Variants in INPP4B observed in about 807,000 individuals in gnomAD.
INPP4B encodes the protein inositol polyphosphate-4-phosphatase type II B.
In INPP4B, 55 loss-of-function variants were observed where a neutral mutation model predicts 122.5. The ratio of observed to expected loss-of-function variants is 0.45; its 90% CI spans 0.36 to 0.56. The LOEUF is 0.56. INPP4B is among the 20% of genes least tolerant of loss of function. The pLI is 0.00. For synonymous variants in INPP4B, 403 were observed against 388.7 expected (o/e 1.04, Z -0.43); for missense variants, 1,000 against 1,097.7 (o/e 0.91, Z 1.26).
At chr4:142,215,250 G>A (rs188961583) in intron 12 of INPP4B, among the ~76,000 whole-genome samples, 1 of 152,222 alleles carries the variant, frequency 6.6e-6, no homozygotes, top group Non-Finnish European at 1.5e-5. Context: ...CAAACCCACT[G>A]TTCCCTTACC....
chr4:142,488,311 A>C (rs1821440149), intron 2 of INPP4B, among the ~76,000 whole-genome samples: 1 of 152,030 alleles, frequency 6.6e-6, no homozygotes, highest in Non-Finnish European at 1.5e-5. Flanking sequence ...ATATTTTGTT[A>C]AGAGCTTTTT....
chr4:142,067,716 G>A (rs1223966310), intron 25 of INPP4B, among the ~76,000 whole-genome samples: 1 of 152,142 alleles, frequency 6.6e-6, no homozygotes, highest in Non-Finnish European at 1.5e-5. Flanking sequence ...TGATCAAGTG[G>A]AAGAAAGGGT....
At chr4:142,462,813 AT>A (rs1816983478) in intron 2 of INPP4B, 87 bp from the exon 3 acceptor site, 1 of 152,222 alleles carries the variant, frequency 6.6e-6, no homozygotes, top group South Asian at 2.1e-4. Context: ...AGTGTTTAAT[AT>A]GCTTATAATG....
chr4:142,212,512 A>C lies in INPP4B; in HGVS notation c.837-3486T>G, dbSNP rs565162236. ...CCCATCAGGGCGTGGAGTACTTCTAAGTTTCAGACGTATTTTTCCTTGCTC... is the reference window on the plus strand; with the variant it reads ...CCCATCAGGGCGTGGAGTACTTCTACGTTTCAGACGTATTTTTCCTTGCTC... On this transcript the variant is annotated intron_variant, in intron 12 of 25. Coordinates refer to ENST00000262992, the MANE Select transcript of INPP4B (RefSeq NM_001101669.3). 2.6e-5 allele frequency among the ~76,000 whole-genome samples: 4 copies of C among 152,188 alleles called. No individual in the cohort carries two copies. In the South Asian group the frequency reaches 8.3e-4, roughly 32 times the overall value.
intron 2 of INPP4B, among the ~76,000 whole-genome samples, chr4:142,547,230 A>G (rs1829744905): frequency 1.3e-5 from 2 of 151,958 alleles, no homozygotes; most frequent in African/African-American, 4.8e-5. Context: ...ATATCCCCAA[A>G]TAAGTGTTTT....
intron 5 of INPP4B, among the ~76,000 whole-genome samples, chr4:142,412,049 T>G (rs1804714019): frequency 1.3e-5 from 2 of 152,210 alleles, no homozygotes; most frequent in Admixed American, 1.3e-4. Flanking sequence ...TCTTAATGTT[T>G]GTTCAGGTTT....
chr4:142,136,825 A>G (rs565279598), intron 18 of INPP4B, among the ~76,000 whole-genome samples: 65 of 152,280 alleles, frequency 4.3e-4, no homozygotes, highest in Non-Finnish European at 8.1e-4. Flanking sequence ...TTAAGATATC[A>G]AGGACAAACC....
chr4:142,742,094 TG>T, intron 1 of INPP4B, among the ~76,000 whole-genome samples: 1 of 152,074 alleles, frequency 6.6e-6, no homozygotes. Context: ...GATTGACTCT[TG>T]GTGCCCTACC....
chr4:142,272,363 T>C (rs1163089115), intron 9 of INPP4B, among the ~76,000 whole-genome samples: 1 of 151,916 alleles, frequency 6.6e-6, no homozygotes, highest in Non-Finnish European at 1.5e-5. Context: ...AAGAGAAAAT[T>C]TCTGATAGCA....
At chr4:142,607,730 G>T (rs1324332802) in intron 2 of INPP4B, among the ~76,000 whole-genome samples, 1 of 152,058 alleles carries the variant, frequency 6.6e-6, no homozygotes, top group Non-Finnish European at 1.5e-5. Context: ...CAATTATAGA[G>T]AAGATATACA....
intron 2 of INPP4B, among the ~76,000 whole-genome samples, chr4:142,540,717 T>G (rs942070209): frequency 5.9e-5 from 9 of 152,148 alleles, no homozygotes; most frequent in African/African-American, 2.2e-4. Context: ...TTTAAATACA[T>G]CATTTTATTT....
rs1220069686 is a variant in INPP4B, at chr4:142,435,854, AGCCACTTGGCTGG to A, written c.-126-4482_-126-4470del. On this transcript the variant is annotated intron_variant, in intron 3 of 25. Coordinates refer to ENST00000262992, the MANE Select transcript of INPP4B (RefSeq NM_001101669.3). ...CCACAGAGCCATGCAGATTCTCAAC[AGCCACTTGGCTGG>A]AATCTGCCTAAGTCAGCCAGGTTTC... Among the ~76,000 whole-genome samples the A allele has an allele frequency of 5.9e-5, 9 of 152,194 alleles. No individual in the cohort carries two copies. In the East Asian group the frequency reaches 1.7e-3, roughly 30 times the overall value.
Position 142,028,378 on chromosome 4 carries a change from A to AAAAT in INPP4B, c.*400_*403dup. The AAAAT allele has an allele frequency of 4.2e-6, 1 of 235,568 alleles. No individual in the cohort carries two copies. Among genetic ancestry groups the AAAAT allele is most frequent in the Non-Finnish European group, 8.4e-6 (1 of 119,722 alleles). 14.6% of individuals were successfully genotyped at this position (235,568 alleles called of 1,614,324 possible). On this transcript the variant is annotated 3_prime_UTR_variant, in exon 26 of 26. Transcript: ENST00000262992. The stretch of plus-strand genomic sequence containing the variant: ...TAGGCTATTAAGTTGTATCACAAAA[A>AAAAT]AAATATGTTCCTTTTCCCCCTCTCC...
chr4:142,118,796 G>A (rs530639726), intron 21 of INPP4B, among the ~76,000 whole-genome samples: 52 of 152,246 alleles, frequency 3.4e-4, no homozygotes, highest in Non-Finnish European at 5.9e-4. Flanking sequence ...TGAGAAATGG[G>A]ATCTAATTAA....
intron 11 of INPP4B, among the ~76,000 whole-genome samples, chr4:142,259,612 T>G (rs1322379011): frequency 1.3e-5 from 2 of 150,050 alleles, no homozygotes; most frequent in African/African-American, 4.9e-5. Flanking sequence ...TAATAATAAA[T>G]TAACCTAGGA....
chr4:142,403,656 C>T (rs973184840), intron 6 of INPP4B, among the ~76,000 whole-genome samples: 1 of 152,026 alleles, frequency 6.6e-6, no homozygotes, highest in African/African-American at 2.4e-5. Flanking sequence ...TTCAATGCCT[C>T]AGAATTCATT....
intron 17 of INPP4B, among the ~76,000 whole-genome samples, chr4:142,149,088 CT>C (rs1812372342): frequency 6.6e-6 from 1 of 152,184 alleles, no homozygotes; most frequent in Non-Finnish European, 1.5e-5. Flanking sequence ...CTTTTATGGC[CT>C]TTACTAAGAA....
chr4:142,473,104 TA>T (rs1414043787), intron 2 of INPP4B: 1 of 152,236 alleles, frequency 6.6e-6, no homozygotes, highest in African/African-American at 2.4e-5. Flanking sequence ...GGACATTAGC[TA>T]CATGACTAAG....
At chr4:142,121,334 G>C (rs962111452) in intron 21 of INPP4B, among the ~76,000 whole-genome samples, 1 of 151,916 alleles carries the variant, frequency 6.6e-6, no homozygotes, top group Non-Finnish European at 1.5e-5. Context: ...AGGAAAACAA[G>C]TTTACTTTGA....
Sources: gnomAD v4.1 joint callset for allele counts (sites outside exome capture counted in the v4.1 genomes callset) on GRCh38, gnomAD v4.1.1 for gene constraint, MANE v1.5 for transcripts, NCBI Gene and HGNC (gene_info 2026-07-23, HGNC 2026-07-21) for gene names.